The following PCDHGA9 variants were observed in gnomAD, a reference collection of about 807,000 sequenced individuals.
The protein encoded by PCDHGA9 is protocadherin gamma-A9.
A neutral mutation model predicts 62.5 loss-of-function variants in PCDHGA9; 37 were observed. The observed-to-expected ratio is 0.59, with a 90% CI of 0.46 to 0.78. PCDHGA9 has a LOEUF of 0.78. PCDHGA9 is among the 30% of genes least tolerant of loss of function. The probability of loss-of-function intolerance (pLI) is 0.00; values close to 1 mark genes in which losing one functional copy is unlikely to be tolerated. For missense variants in PCDHGA9, 1,138 were observed against 1,166.2 expected (o/e 0.98, Z 0.35); for synonymous variants, 459 against 484.6 (o/e 0.95, Z 0.69).
rs556415227 is a variant in PCDHGA9, at chr5:141,476,903, G to A, written c.2425-17904G>A. ...GGAGGATGCACCCTCCGGCACGCGC[G>A]TGGTACAAGTCCTTGCAACGGATCT... On this transcript the variant is annotated intron_variant, in intron 1 of 3. Transcript: ENST00000573521. This position sits in a 1 kb window ranked among gnomAD's most constrained non-coding sequence, Gnocchi z 7.6. The A allele has an allele frequency of 1.4e-5, 22 of 1,614,018 alleles. No homozygotes were observed. In the African/African-American group the frequency reaches 1.7e-4, roughly 13 times the overall value.
intron 1 of PCDHGA9, chr5:141,408,154 A>T: frequency 6.6e-7 from 1 of 1,510,630 alleles, no homozygotes; most frequent in Non-Finnish European, 8.9e-7. Context: ...GGTAGAGTGC[A>T]CTTTCTCCAA....
Position 141,489,560 on chromosome 5 carries a change from A to G in PCDHGA9, c.2425-5247A>G. On this transcript the variant is annotated intron_variant, in intron 1 of 3. Coordinates refer to ENST00000573521, the MANE Select transcript of PCDHGA9 (RefSeq NM_018921.3). The surrounding 1 kb of genome is among the most constrained non-coding windows in gnomAD (Gnocchi z 4.5). Reference sequence around the variant, plus strand: ...AGCACCAGCTGCCTGCTGCCAGTGCAGGTGGTGACTGAACACCCCCTGGAG... The same window carrying G: ...AGCACCAGCTGCCTGCTGCCAGTGCGGGTGGTGACTGAACACCCCCTGGAG... 1.2e-6 allele frequency: 2 copies of G among 1,614,142 alleles called. No homozygotes were observed. The highest frequency in any genetic ancestry group is 1.7e-6 in the Non-Finnish European group (2 of 1,180,030).
chr5:141,410,789 A>G (rs1264282350), intron 1 of PCDHGA9: 13 of 794,352 alleles, frequency 1.6e-5, no homozygotes, highest in Non-Finnish European at 2.4e-5. Flanking sequence ...TATTTGGTTC[A>G]TAAGTTGCTC....
At chr5:141,446,129 A>C (rs1488078150) in intron 1 of PCDHGA9, among the ~76,000 whole-genome samples, 1 of 152,204 alleles carries the variant, frequency 6.6e-6, no homozygotes, top group Non-Finnish European at 1.5e-5. Flanking sequence ...GTTCAATAAG[A>C]CTTAATAATG....
intron 1 of PCDHGA9, chr5:141,416,504 C>G (rs966090979): frequency 1.3e-5 from 2 of 152,040 alleles, no homozygotes; most frequent in African/African-American, 4.8e-5. Flanking sequence ...AGATATATGA[C>G]AAAGCTATTT....
At position 141,490,632 on chromosome 5, in the gene PCDHGA9, A is replaced by C; in HGVS notation, c.2425-4175A>C. Reference sequence around the variant, plus strand: ...AGCAGCTTTACACTGCTTACATCCTAGAAAACCGGCCTCCGGGCTCCCTTC... The same window carrying C: ...AGCAGCTTTACACTGCTTACATCCTCGAAAACCGGCCTCCGGGCTCCCTTC... On this transcript the variant is annotated intron_variant, in intron 1 of 3. Transcript: ENST00000573521. This position sits in a 1 kb window ranked among gnomAD's most constrained non-coding sequence, Gnocchi z 5.4. The C allele has an allele frequency of 1.2e-6, 2 of 1,614,196 alleles. No individual in the cohort carries two copies. Among genetic ancestry groups the C allele is most frequent in the South Asian group, 1.1e-5 (1 of 91,088 alleles).
Position 141,431,829 on chromosome 5 carries a change from C to T in PCDHGA9, c.2424+26453C>T, listed in dbSNP as rs758915768. On this transcript the variant is annotated intron_variant, in intron 1 of 3. Transcript: ENST00000573521. The surrounding 1 kb of genome is among the most constrained non-coding windows in gnomAD (Gnocchi z 4.8). ...CTCACCTCTCTCGCCAGCTCGGTTC[C>T]CGAAAACTCTCCCAGAGGGACATTA... The T allele has an allele frequency of 1.9e-6, 3 of 1,613,928 alleles. No individual in the cohort carries two copies. The highest frequency in any genetic ancestry group is 2.2e-5 in the South Asian group (2 of 91,090).
intron 2 of PCDHGA9, among the ~76,000 whole-genome samples, chr5:141,495,702 T>G (rs1462896403): frequency 6.6e-6 from 1 of 152,212 alleles, no homozygotes; most frequent in African/African-American, 2.4e-5. Context: ...TCAATAAATG[T>G]GGAGTGAGTA....
chr5:141,427,434 A>G (rs2097026509), intron 1 of PCDHGA9: 1 of 473,650 alleles, frequency 2.1e-6, no homozygotes, highest in African/African-American at 2.0e-5. Context: ...TACATGCCTC[A>G]TAAACGAAAG....
In PCDHGA9 at chr5:141,486,421, G is replaced by C; in HGVS notation, c.2425-8386G>C. 1 of 1,614,152 alleles carries C rather than the reference G, an allele frequency of 6.2e-7. No individual in the cohort carries two copies. Among genetic ancestry groups the C allele is most frequent in the African/African-American group, 1.3e-5 (1 of 75,028 alleles). On this transcript the variant is annotated intron_variant, in intron 1 of 3. Coordinates refer to ENST00000573521, the MANE Select transcript of PCDHGA9 (RefSeq NM_018921.3). This position sits in a 1 kb window ranked among gnomAD's most constrained non-coding sequence, Gnocchi z 5.0. Reference sequence around the variant, plus strand: ...TGACTGCTGGACCCTTGGATCGAGAGGCCAAATCTAGCTATGACATCATGG... The same window carrying C: ...TGACTGCTGGACCCTTGGATCGAGACGCCAAATCTAGCTATGACATCATGG...
At chr5:141,475,987 C>A in intron 1 of PCDHGA9, 2 of 1,101,540 alleles carry the variant, frequency 1.8e-6, no homozygotes, top group Non-Finnish European at 2.6e-6. Flanking sequence ...AGCCGGCGAG[C>A]AAATCAACGG....
chr5:141,467,874 G>T (rs926647135), intron 1 of PCDHGA9, among the ~76,000 whole-genome samples: 1 of 151,920 alleles, frequency 6.6e-6, no homozygotes, highest in Non-Finnish European at 1.5e-5. Context: ...GCCCAGGCTG[G>T]TCTCAAACTC....
rs773103981 is a variant in PCDHGA9 at position 141,403,588 on chromosome 5, C to CGGTG, written c.636_637insGGTG (p.Thr213GlyfsTer26). 1.2e-6 allele frequency: 2 copies of CGGTG among 1,613,904 alleles called. No individual in the cohort carries two copies. The highest frequency in any genetic ancestry group is 2.2e-5 in the East Asian group (1 of 44,858). On this transcript the variant is annotated frameshift_variant, in exon 1 of 4. Coordinates refer to ENST00000573521, the MANE Select transcript of PCDHGA9 (RefSeq NM_018921.3). LOFTEE classifies it high-confidence loss of function. ...AGGCAACTGCCCACCACCTGGTCCT[C>CGGTG]ACGGCCTCGGATGGCGGCGAGCCGC...
intron 1 of PCDHGA9, chr5:141,421,331 C>T: frequency 1.2e-6 from 2 of 1,613,856 alleles, no homozygotes; most frequent in East Asian, 2.2e-5. Flanking sequence ...ATCCGATATT[C>T]GGTGCCAGAA....
intron 1 of PCDHGA9, among the ~76,000 whole-genome samples, chr5:141,480,672 T>A (rs1053078255): frequency 2.0e-5 from 3 of 152,166 alleles, no homozygotes; most frequent in African/African-American, 7.2e-5. Context: ...CCTAGAGACC[T>A]TTTAAAAATT....
rs749528675 is a variant in PCDHGA9, at chr5:141,490,604, A to G, written c.2425-4203A>G. On this transcript the variant is annotated intron_variant, in intron 1 of 3. Coordinates refer to ENST00000573521, the MANE Select transcript of PCDHGA9 (RefSeq NM_018921.3). This position sits in a 1 kb window ranked among gnomAD's most constrained non-coding sequence, Gnocchi z 5.4. ...GTCAATGACAATGCACCCCGCTTCA[A>G]CCAGCAGCTTTACACTGCTTACATC... is the stretch of plus-strand genomic sequence containing the variant. 13 of 1,614,192 alleles carry G rather than the reference A, an allele frequency of 8.1e-6. No homozygotes were observed. Among genetic ancestry groups the G allele is most frequent in the Non-Finnish European group, 1.1e-5 (13 of 1,180,022 alleles).
chr5:141,415,739 G>A, intron 1 of PCDHGA9: 4 of 434,948 alleles, frequency 9.2e-6, no homozygotes, highest in Non-Finnish European at 1.3e-5. Context: ...TGTTTATTAA[G>A]GTTTTTTTTT....
Position 141,491,906 on chromosome 5 carries a change from T to A in PCDHGA9, c.2425-2901T>A, listed in dbSNP as rs1490050332. On this transcript the variant is annotated intron_variant, in intron 1 of 3. Transcript: ENST00000573521. The surrounding 1 kb of genome is among the most constrained non-coding windows in gnomAD (Gnocchi z 6.9). ...ATGGGGCTCCGAGCACCGGGGGTGG[T>A]GGCGACTGTGGGCGAGGGGAGGTGG... is the stretch of plus-strand genomic sequence containing the variant. 7.1e-7 allele frequency: 1 copy of A among 1,414,468 alleles called. No individual in the cohort carries two copies. Among genetic ancestry groups the A allele is most frequent in the African/African-American group, 1.4e-5 (1 of 69,002 alleles). 87.6% of individuals were successfully genotyped at this position (1,414,468 alleles called of 1,614,324 possible).
intron 1 of PCDHGA9, chr5:141,415,300 C>T (rs763286826): frequency 3.1e-6 from 5 of 1,614,222 alleles, no homozygotes; most frequent in East Asian, 4.5e-5. Context: ...CTGCGTCTTC[C>T]TGGCCTTCGT....
Sources: allele counts gnomAD v4.1 joint callset (sites outside exome capture counted in the v4.1 genomes callset), GRCh38; gene constraint gnomAD v4.1.1; non-coding constraint Gnocchi (gnomAD v3.1); transcripts MANE v1.5; gene names NCBI Gene and HGNC (gene_info 2026-07-23, HGNC 2026-07-21).